Variants in ARX observed in about 807,000 individuals in gnomAD.
ARX encodes aristaless related homeobox.
ARX carries 1 observed loss-of-function variant against 23.1 expected under a neutral mutation model. The observed-to-expected ratio is 0.04, with a 90% CI of 0.02 to 0.21. ARX has a LOEUF of 0.21. Ranked by LOEUF, ARX falls within the 10% of genes least tolerant of loss-of-function variation. ARX has a pLI of 1.00. For synonymous variants in ARX, 301 were observed against 270.1 expected, an observed-to-expected ratio of 1.11 and a Z score of -1.12; for missense variants, 380 against 527.5, an observed-to-expected ratio of 0.72 and a Z score of 2.74.
intron 3 of ARX, 32 bp from the exon 4 acceptor site, chrX:25,007,471 G>A (rs2048683561): frequency 8.8e-7 from 1 of 1,140,984 alleles, no homozygotes; most frequent in Admixed American, 2.7e-5. Context: ...GGGTCGGCGC[G>A]GCTCGGCCCG....
At position 25,004,448 on chromosome X, in the gene ARX, C is replaced by CAGGGGT; in HGVS notation, c.*221_*222insACCCCT. ...GGAGTTGGAGCGAGGTTGGCAGTAG[C>CAGGGGT]AGGGGCAGGGGCAGGGGCGGGTGGA... On this transcript the variant is annotated 3_prime_UTR_variant, in exon 5 of 5. Transcript: ENST00000379044. The CAGGGGT allele has an allele frequency of 2.1e-6, 1 of 480,219 alleles. No homozygotes were observed. 39.6% of individuals were successfully genotyped at this position (480,219 alleles called of 1,213,427 possible).
intron 1 of ARX, among the ~76,000 whole-genome samples, chrX:25,015,033 G>A (rs1283752265): frequency 8.9e-6 from 1 of 112,468 alleles, no homozygotes; most frequent in Non-Finnish European, 1.9e-5. Context: ...CCAGGAAGAT[G>A]TTTTCTGCAA....
At chrX:25,007,600 C>T (rs1009176282) in intron 3 of ARX, among the ~76,000 whole-genome samples, 161 bp from the exon 4 acceptor site, 2 of 111,597 alleles carry the variant, frequency 1.8e-5, no homozygotes, top group Non-Finnish European at 3.8e-5. Flanking sequence ...TCGGACGCGT[C>T]TGGGGCCAAA....
At chrX:25,015,469 C>T in intron 1 of ARX, 73 bp downstream of exon 1, 1 of 1,139,113 alleles carries the variant, frequency 8.8e-7, no homozygotes, top group Non-Finnish European at 1.2e-6. Flanking sequence ...TTCCAGGCCA[C>T]TGGCCCCCGA....
intron 3 of ARX, among the ~76,000 whole-genome samples, chrX:25,009,584 G>T (rs2048693309): frequency 9.0e-6 from 1 of 111,699 alleles, no homozygotes; most frequent in Non-Finnish European, 1.9e-5. Context: ...TGGCCATCGG[G>T]GCTGCTCAGT....
intron 1 of ARX, among the ~76,000 whole-genome samples, chrX:25,014,019 TC>T (rs1438860028): frequency 8.9e-6 from 1 of 111,822 alleles, no homozygotes; most frequent in African/African-American, 3.2e-5. Flanking sequence ...CCTTCTTTTT[TC>T]CCCTTTCCTC....
intron 3 of ARX, among the ~76,000 whole-genome samples, chrX:25,009,592 A>G (rs1171845564): frequency 8.9e-6 from 1 of 111,804 alleles, no homozygotes; most frequent in Non-Finnish European, 1.9e-5. Context: ...GGGGCTGCTC[A>G]GTGTTGATCG....
In ARX at chrX:25,007,355, C is replaced by T. The variant is rs2048682884; in HGVS notation, c.1204G>A (p.Gly402Arg). The T allele has an allele frequency of 8.7e-7, 1 of 1,146,994 alleles. No individual in the cohort carries two copies. The highest frequency in any genetic ancestry group is 1.2e-6 in the Non-Finnish European group (1 of 868,623). The allele number at this position is 1,146,994 out of a possible 1,213,427, so 94.5% of individuals were successfully genotyped here. A position where few individuals can be genotyped will look rare whatever the true frequency, so the allele number is the denominator to read the frequency against. Residue 402 changes from glycine to arginine, a missense_variant, in exon 4 of 5, where the codon GGG becomes AGG. This residue lies in a region of ARX where 121 missense variants were observed against 169.7 expected (regional missense o/e 0.71). Coordinates refer to ENST00000379044, the MANE Select transcript of ARX (RefSeq NM_139058.3). ...QTHPPGLPFPGPLSATHPLSP... is the reference protein window; with the variant it reads ...QTHPPGLPFPRPLSATHPLSP... ...AGCGGGTGGGTGGCGGAGAGCGGCC[C>T]CGGGAAGGGCAGCCCAGGGGGGTGG...
In ARX at chrX:25,007,294, T is replaced by C; in HGVS notation, c.1265A>G (p.His422Arg). 1 of 1,120,301 alleles carries C rather than the reference T, an allele frequency of 8.9e-7. No individual in the cohort carries two copies. 92.3% of individuals were successfully genotyped at this position (1,120,301 alleles called of 1,213,427 possible). Residue 422 changes from histidine (H) to arginine (R), a missense_variant, in exon 4 of 5, where the codon CAC becomes CGC. Coordinates refer to ENST00000379044, the MANE Select transcript of ARX (RefSeq NM_139058.3). ...CCAAGCGGAGTCGAGCGCCGGGTGG[T>C]GCGGAGGGAAGGGGCTGGCGTCCAG... ...PYLDASPFPP[H>R]HPALDSAWTA...
At position 25,004,492 on chromosome X, in the gene ARX, C is replaced by G; in HGVS notation, c.*178G>C. On this transcript the variant is annotated 3_prime_UTR_variant, in exon 5 of 5. Transcript: ENST00000379044. ...GGGTGGACAGCCAGCCGAGGAGGTG[C>G]CACGTCCCGGAGCGCCGAGGGCTGC... 2.4e-6 allele frequency: 2 copies of G among 842,822 alleles called. No homozygotes were observed. The highest frequency in any genetic ancestry group is 3.3e-6 in the Non-Finnish European group (2 of 609,281). 69.5% of individuals were successfully genotyped at this position (842,822 alleles called of 1,213,427 possible). A position where few individuals can be genotyped will look rare whatever the true frequency, so the allele number is the denominator to read the frequency against.
intron 1 of ARX, among the ~76,000 whole-genome samples, chrX:25,014,540 AC>A (rs1253437567): frequency 8.9e-6 from 1 of 112,791 alleles, no homozygotes; most frequent in Admixed American, 9.3e-5. Flanking sequence ...GGCTTCTTGC[AC>A]AAAAAGGCAA....
At chrX:25,014,706 T>C (rs1041527922) in intron 1 of ARX, among the ~76,000 whole-genome samples, 1 of 112,584 alleles carries the variant, frequency 8.9e-6, no homozygotes, top group African/African-American at 3.2e-5. Flanking sequence ...TCAGTTTTAT[T>C]TAAATGCCCC....
rs895280867 is a variant in ARX at position 25,015,891 on chromosome X, G to A, written c.-154C>T. 5.0e-5 allele frequency: 32 copies of A among 638,547 alleles called. No individual in the cohort carries two copies. In the African/African-American group the frequency reaches 5.3e-4, roughly 11 times the overall value. The allele number at this position is 638,547 out of a possible 1,213,427, so 52.6% of individuals were successfully genotyped here. Reference sequence around the variant, plus strand: ...TGCCTTTCTGCCTCCCTTGGTTGCCGGCTGCCGGCTCCCGCCCTGCCCGCG... The same window carrying A: ...TGCCTTTCTGCCTCCCTTGGTTGCCAGCTGCCGGCTCCCGCCCTGCCCGCG... On this transcript the variant is annotated 5_prime_UTR_variant, in exon 1 of 5. Transcript: ENST00000379044.
chrX:25,007,293 G>A lies in ARX; in HGVS notation c.1266C>T (p.His422=). ...PYLDASPFPP[H]HPALDSAWTA... is the part of the protein sequence containing the mutation. ...TCCAAGCGGAGTCGAGCGCCGGGTG[G>A]TGCGGAGGGAAGGGGCTGGCGTCCA... Residue 422 remains histidine (H), a synonymous_variant, in exon 4 of 5, where the codon CAC becomes CAT. Coordinates refer to ENST00000379044, the MANE Select transcript of ARX (RefSeq NM_139058.3). 1 of 1,123,087 alleles carries A rather than the reference G, an allele frequency of 8.9e-7. No individual in the cohort carries two copies. Among genetic ancestry groups the A allele is most frequent in the Non-Finnish European group, 1.2e-6 (1 of 858,024 alleles). The allele number at this position is 1,123,087 out of a possible 1,213,427, so 92.6% of individuals were successfully genotyped here.
At chrX:25,008,272 C>T (rs938602122) in intron 3 of ARX, among the ~76,000 whole-genome samples, 2 of 112,885 alleles carry the variant, frequency 1.8e-5, no homozygotes, top group African/African-American at 3.2e-5. Context: ...GCACTGACTA[C>T]ATGGATGAAG....
Position 25,013,509 on chromosome X carries a change from G to A in ARX, c.486C>T (p.Ser162=). 1 of 875,606 alleles carries A rather than the reference G, an allele frequency of 1.1e-6. No homozygotes were observed. Among genetic ancestry groups the A allele is most frequent in the Non-Finnish European group, 1.4e-6 (1 of 719,326 alleles). 72.2% of individuals were successfully genotyped at this position (875,606 alleles called of 1,213,427 possible). A position where few individuals can be genotyped will look rare whatever the true frequency, so the allele number is the denominator to read the frequency against. The part of the protein sequence containing the change: ...AAAAWDTLKI[S]QAPQVSISRS... ...GGCTGATGCTCACCTGCGGCGCCTG[G>A]CTGATCTTGAGCGTGTCCCAGGCCG... is the stretch of plus-strand genomic sequence containing the variant. The change falls in exon 2 of 5, where the codon AGC becomes AGT. Residue 162 remains serine (S), a synonymous_variant. Coordinates refer to ENST00000379044, the MANE Select transcript of ARX (RefSeq NM_139058.3).
At chrX:25,012,302 T>C (rs1353383576) in intron 2 of ARX, among the ~76,000 whole-genome samples, 1 of 112,619 alleles carries the variant, frequency 8.9e-6, no homozygotes, top group East Asian at 2.8e-4. Flanking sequence ...CACCAAACAC[T>C]GCCCAGTTCT....
chrX:25,007,777 G>A (rs774861545), intron 3 of ARX, among the ~76,000 whole-genome samples: 57 of 111,748 alleles, frequency 5.1e-4, no homozygotes, highest in Non-Finnish European at 1.0e-3. Context: ...CGCTTGCTAG[G>A]ATCTTTAGGC....
Position 25,010,292 on chromosome X carries a change from T to G in ARX, c.1087A>C (p.Met363Leu). The change falls in exon 3 of 5, where the codon ATG (methionine) becomes CTG (leucine). Residue 363 changes from methionine (M) to leucine (L), a missense_variant. This residue lies in a region of ARX where 24 missense variants were observed against 87.7 expected (regional missense o/e 0.27). Coordinates refer to ENST00000379044, the MANE Select transcript of ARX (RefSeq NM_139058.3). ...PDVFTREELA[M>L]RLDLTEARVQ... ...CGGGCCTCGGTCAAGTCCAGCCTCA[T>G]GGCCAGTTCCTCCCTATAAGAAAGC... is the stretch of plus-strand genomic sequence containing the variant. 1 of 1,192,828 alleles carries G rather than the reference T, an allele frequency of 8.4e-7. No homozygotes were observed.
Sources: gnomAD v4.1 joint callset for allele counts (sites outside exome capture counted in the v4.1 genomes callset) on GRCh38, gnomAD v4.1.1 for gene constraint, gnomAD v4.1.1 regional missense constraint, MANE v1.5 for transcripts, NCBI Gene and HGNC (gene_info 2026-07-23, HGNC 2026-07-21) for gene names.